Variants in DPP10 observed in about 807,000 individuals in gnomAD.
DPP10 encodes inactive dipeptidyl peptidase 10.
DPP10 carries 33 observed loss-of-function variants against 120.9 expected under a neutral mutation model. The ratio of observed to expected loss-of-function variants is 0.27; its 90% confidence interval spans 0.21 to 0.37. DPP10 has a LOEUF of 0.37. Ranked by LOEUF, DPP10 falls within the 10% of genes least tolerant of loss-of-function variation. The pLI, the probability that DPP10 is intolerant of heterozygous loss-of-function variation, is 1.00. For synonymous variants in DPP10, 337 were observed against 326.1 expected (o/e 1.03, Z -0.36); for missense variants, 816 against 942.8 (o/e 0.87, Z 1.76).
At position 115,780,964 on chromosome 2, in the gene DPP10, C is replaced by T; in HGVS notation, c.1452C>T (p.Pro484=). Residue 484 remains proline (P), a synonymous_variant, in exon 16 of 26, where the codon CCC becomes CCT. Coordinates refer to ENST00000410059, the MANE Select transcript of DPP10 (RefSeq NM_020868.6). The part of the protein sequence containing the change: ...QCTYFDASFS[P]MNQHFLLFCE... ...CATATTTTGATGCCAGTTTTAGTCC[C>T]ATGAATCAACATTTCTTATTATTCT... The T allele has an allele frequency of 1.3e-6, 2 of 1,591,476 alleles. No homozygotes were observed. The highest frequency in any genetic ancestry group is 2.3e-5 in the East Asian group (1 of 44,422).
intron 1 of DPP10, among the ~76,000 whole-genome samples, chr2:114,630,772 G>A (rs997479542): frequency 4.6e-5 from 7 of 152,004 alleles, no homozygotes; most frequent in African/African-American, 1.7e-4. Context: ...GATTACAAAA[G>A]AGTTTTAGAA....
chr2:115,676,359 G>T (rs2090258544), intron 5 of DPP10, among the ~76,000 whole-genome samples: 1 of 151,978 alleles, frequency 6.6e-6, no homozygotes, highest in Admixed American at 6.6e-5. Context: ...AAAACTGTAG[G>T]ACACACATAG....
intron 17 of DPP10, among the ~76,000 whole-genome samples, chr2:115,783,660 T>A (rs1683019388): frequency 6.6e-6 from 1 of 152,160 alleles, no homozygotes; most frequent in Non-Finnish European, 1.5e-5. Context: ...CCGTCTTCAG[T>A]GTAAACCTTA....
intron 1 of DPP10, among the ~76,000 whole-genome samples, chr2:114,761,248 G>A (rs1057001845): frequency 6.6e-6 from 1 of 152,062 alleles, no homozygotes; most frequent in African/African-American, 2.4e-5. Context: ...AAAAAAGATG[G>A]CGTACTTTCA....
intron 1 of DPP10, among the ~76,000 whole-genome samples, chr2:115,277,447 C>CTTTTTTT (rs70941038): frequency 1.8e-4 from 9 of 49,776 alleles, no homozygotes; most frequent in South Asian, 1.5e-3. Context: ...CTGCCAGGGC[C>CTTTTTTT]TTTTTTTTTT....
intron 1 of DPP10, among the ~76,000 whole-genome samples, chr2:115,276,802 T>C (rs1196870534): frequency 1.3e-5 from 2 of 152,192 alleles, no homozygotes; most frequent in Admixed American, 6.5e-5. Flanking sequence ...ATTAAGTAGG[T>C]ACTAATACTA....
At chr2:115,705,864 T>C (rs1249926749) in intron 7 of DPP10, among the ~76,000 whole-genome samples, 1 of 151,856 alleles carries the variant, frequency 6.6e-6, no homozygotes, top group Non-Finnish European at 1.5e-5. Flanking sequence ...TAACGTCTAA[T>C]GGGTCTCAAA....
chr2:114,611,166 A>G (rs1157231585), intron 1 of DPP10, among the ~76,000 whole-genome samples: 1 of 152,104 alleles, frequency 6.6e-6, no homozygotes, highest in African/African-American at 2.4e-5. Flanking sequence ...CCAAGCAGAA[A>G]TGGGAATCGG....
chr2:115,666,684 G>A (rs901355066), intron 5 of DPP10, among the ~76,000 whole-genome samples: 3 of 152,046 alleles, frequency 2.0e-5, no homozygotes, highest in Non-Finnish European at 2.9e-5. Context: ...TTGATTCCAC[G>A]ACTTTGCTAT....
chr2:114,885,514 G>T (rs1691997930), intron 1 of DPP10, among the ~76,000 whole-genome samples: 1 of 152,068 alleles, frequency 6.6e-6, no homozygotes, highest in African/African-American at 2.4e-5. Context: ...CACTTAAAGA[G>T]CATGGGAAGA....
intron 1 of DPP10, among the ~76,000 whole-genome samples, chr2:114,916,998 T>C (rs1416054562): frequency 1.3e-5 from 2 of 152,076 alleles, no homozygotes; most frequent in Admixed American, 1.3e-4. Context: ...GAAGTAAAAG[T>C]CATCCGAATA....
intron 1 of DPP10, among the ~76,000 whole-genome samples, chr2:114,922,472 T>A (rs1695268604): frequency 6.6e-6 from 1 of 152,050 alleles, no homozygotes; most frequent in South Asian, 2.1e-4. Flanking sequence ...GTAGCCATGC[T>A]TGTTAATTTT....
At chr2:115,712,623 T>A (rs1267529646) in intron 7 of DPP10, among the ~76,000 whole-genome samples, 1 of 139,538 alleles carries the variant, frequency 7.2e-6, no homozygotes. Flanking sequence ...TACCCCACAC[T>A]AGGGATCAGC....
At chr2:115,308,693 GTTT>G (rs3068805) in intron 1 of DPP10, among the ~76,000 whole-genome samples, 15,315 of 126,530 alleles carry the variant, frequency 0.12, 730 homozygotes, top group African/African-American at 0.21. Flanking sequence ...ACTAAATCCT[GTTT>G]TTTTTTTTTT....
At chr2:114,590,212 T>C (rs13017581) in intron 1 of DPP10, among the ~76,000 whole-genome samples, 13,185 of 152,242 alleles carry the variant, frequency 0.087, 699 homozygotes, top group Admixed American at 0.12. Context: ...CCTCAAAGTA[T>C]GCTTTCATCA....
intron 7 of DPP10, among the ~76,000 whole-genome samples, chr2:115,693,990 C>G (rs575689539): frequency 1.3e-5 from 2 of 152,036 alleles, no homozygotes; most frequent in African/African-American, 4.8e-5. Context: ...AATTTAAACA[C>G]CTTAGGGAAC....
At chr2:115,757,054 A>C (rs1326228031) in intron 11 of DPP10, among the ~76,000 whole-genome samples, 1 of 152,100 alleles carries the variant, frequency 6.6e-6, no homozygotes, top group African/African-American at 2.4e-5. Context: ...TCACACAATC[A>C]CAATTAAATT....
intron 21 of DPP10, among the ~76,000 whole-genome samples, chr2:115,834,345 A>C (rs2150111486): frequency 6.6e-6 from 1 of 152,326 alleles, no homozygotes; most frequent in East Asian, 1.9e-4. Flanking sequence ...TCAAAAGTAG[A>C]CTTCATCATG....
At chr2:114,967,963 G>T (rs1699151659) in intron 1 of DPP10, among the ~76,000 whole-genome samples, 2 of 152,050 alleles carry the variant, frequency 1.3e-5, no homozygotes, top group East Asian at 1.9e-4. Flanking sequence ...TAGGACTGGG[G>T]CTCAGGTGAT....
Sources: allele counts gnomAD v4.1 joint callset (sites outside exome capture counted in the v4.1 genomes callset), GRCh38; gene constraint gnomAD v4.1.1; transcripts MANE v1.5; gene names NCBI Gene and HGNC (gene_info 2026-07-23, HGNC 2026-07-21).